CSNK2A2IP: variants seen among roughly 807,000 people sequenced by gnomAD.
The protein encoded by CSNK2A2IP is casein kinase 2 subunit alpha' interacting protein.
the CSNK2A2IP span, among the ~76,000 whole-genome samples, chr3:88,464,466 G>A: frequency 6.6e-6 from 1 of 151,792 alleles, no homozygotes; most frequent in Non-Finnish European, 1.5e-5. Flanking sequence ...AAAAAATTCA[G>A]TGAAGACTTG....
chr3:88,414,845 T>C, the CSNK2A2IP span, among the ~76,000 whole-genome samples: 1 of 151,938 alleles, frequency 6.6e-6, no homozygotes, highest in Non-Finnish European at 1.5e-5. Flanking sequence ...AGTATGTTAG[T>C]TAAATAGGAA....
At chr3:88,420,959 C>A in the CSNK2A2IP span, among the ~76,000 whole-genome samples, 3 of 152,022 alleles carry the variant, frequency 2.0e-5, no homozygotes, top group Non-Finnish European at 4.4e-5. Context: ...ATTTAAATTT[C>A]CAACTTTAAA....
the CSNK2A2IP span, among the ~76,000 whole-genome samples, chr3:88,442,572 A>C: frequency 6.6e-6 from 1 of 152,148 alleles, no homozygotes; most frequent in African/African-American, 2.4e-5. Context: ...GCATTATTGA[A>C]CATTATACCA....
chr3:88,397,904 A>G, the CSNK2A2IP span, among the ~76,000 whole-genome samples: 2 of 152,156 alleles, frequency 1.3e-5, no homozygotes, highest in Middle Eastern at 3.4e-3. Flanking sequence ...GCCATCTACT[A>G]TTTTATTTAT....
the CSNK2A2IP span, among the ~76,000 whole-genome samples, chr3:88,360,078 T>G: frequency 6.6e-6 from 1 of 152,094 alleles, no homozygotes; most frequent in Non-Finnish European, 1.5e-5. Context: ...GCTATGTCCT[T>G]TTGGATTGAC....
chr3:88,378,050 T>C, the CSNK2A2IP span, among the ~76,000 whole-genome samples: 6 of 151,928 alleles, frequency 3.9e-5, no homozygotes, highest in Non-Finnish European at 8.8e-5. Flanking sequence ...TGACTTAAAA[T>C]CATATTGCAT....
the CSNK2A2IP span, among the ~76,000 whole-genome samples, chr3:88,374,890 TG>T: frequency 4.0e-5 from 6 of 151,710 alleles, no homozygotes; most frequent in Non-Finnish European, 5.9e-5. Context: ...GGATGACGAC[TG>T]GTATCAGGGT....
At chr3:88,401,935 T>C in the CSNK2A2IP span, among the ~76,000 whole-genome samples, 1 of 152,048 alleles carries the variant, frequency 6.6e-6, no homozygotes, top group Admixed American at 6.6e-5. Flanking sequence ...GTGAGCTCTT[T>C]TTGAGTGTTT....
At chr3:88,383,214 G>A in the CSNK2A2IP span, among the ~76,000 whole-genome samples, 1 of 151,916 alleles carries the variant, frequency 6.6e-6, no homozygotes, top group Admixed American at 6.6e-5. Context: ...AAATCCAATG[G>A]GCACTAACAA....
At chr3:88,358,089 A>C in the CSNK2A2IP span, among the ~76,000 whole-genome samples, 1 of 152,028 alleles carries the variant, frequency 6.6e-6, no homozygotes, top group South Asian at 2.1e-4. Flanking sequence ...TTTTACTTTA[A>C]TTATAGCTAT....
At chr3:88,386,202 G>T in the CSNK2A2IP span, among the ~76,000 whole-genome samples, 9 of 151,616 alleles carry the variant, frequency 5.9e-5, no homozygotes, top group East Asian at 1.6e-3. Flanking sequence ...TCGGTTTACT[G>T]CAACCTCCAT....
chr3:88,375,979 C>T, the CSNK2A2IP span, among the ~76,000 whole-genome samples: 66 of 151,770 alleles, frequency 4.3e-4, 1 homozygote, highest in Non-Finnish European at 8.9e-5. Flanking sequence ...ACATTGTGCT[C>T]AATCCTATTC....
the CSNK2A2IP span, among the ~76,000 whole-genome samples, chr3:88,418,799 A>G: frequency 1.3e-5 from 2 of 152,150 alleles, no homozygotes; most frequent in African/African-American, 4.8e-5. Context: ...CCCAACACCT[A>G]GGCCACTGTC....
At chr3:88,409,099 G>A in the CSNK2A2IP span, among the ~76,000 whole-genome samples, 1 of 151,940 alleles carries the variant, frequency 6.6e-6, no homozygotes, top group Non-Finnish European at 1.5e-5. Flanking sequence ...GATCCCCTTC[G>A]GTGTCAAGTG....
chr3:88,361,814 T>C, the CSNK2A2IP span, among the ~76,000 whole-genome samples: 1 of 152,136 alleles, frequency 6.6e-6, no homozygotes, highest in East Asian at 1.9e-4. Flanking sequence ...TTCTCCTCTG[T>C]GTATTTTCTT....
the CSNK2A2IP span, among the ~76,000 whole-genome samples, chr3:88,389,813 T>C: frequency 2.8e-5 from 4 of 144,356 alleles, no homozygotes; most frequent in African/African-American, 1.0e-4. Context: ...GTAAAGAGAC[T>C]AAAAACCCTG....
At chr3:88,412,530 G>T in the CSNK2A2IP span, among the ~76,000 whole-genome samples, 7 of 151,904 alleles carry the variant, frequency 4.6e-5, no homozygotes, top group African/African-American at 1.7e-4. Context: ...AAGTATGCTT[G>T]GGTACTCACA....
the CSNK2A2IP span, among the ~76,000 whole-genome samples, chr3:88,460,020 A>G: frequency 6.6e-6 from 1 of 152,150 alleles, no homozygotes; most frequent in Non-Finnish European, 1.5e-5. Context: ...TCTGAATGAC[A>G]TACAGCAGTT....
the CSNK2A2IP span, among the ~76,000 whole-genome samples, chr3:88,408,955 C>T: frequency 6.6e-6 from 1 of 151,968 alleles, no homozygotes; most frequent in Admixed American, 6.6e-5. Flanking sequence ...CTATTGCCAA[C>T]TGAGACCATT....
Sources: gnomAD v4.1 joint callset for allele counts (sites outside exome capture counted in the v4.1 genomes callset) on GRCh38, gnomAD v4.1.1 for gene constraint, MANE v1.5 for transcripts, NCBI Gene and HGNC (gene_info 2026-07-23, HGNC 2026-07-21) for gene names.